Variants in ANKRD28 observed in about 807,000 individuals in gnomAD.
ANKRD28 encodes serine/threonine-protein phosphatase 6 regulatory ankyrin repeat subunit A.
A neutral mutation model predicts 126.5 loss-of-function variants in ANKRD28; 44 were observed. The observed-to-expected ratio is 0.35, with a 90% CI of 0.27 to 0.45. The LOEUF (loss-of-function observed/expected upper bound fraction) is 0.45. ANKRD28 is among the 20% of genes least tolerant of loss of function. ANKRD28 has a pLI of 1.00. For synonymous variants in ANKRD28, 442 were observed against 468.5 expected (o/e 0.94, Z 0.73); for missense variants, 1,110 against 1,316.6 (o/e 0.84, Z 2.43).
At chr3:15,834,085 T>C (rs983560469) in intron 1 of ANKRD28, among the ~76,000 whole-genome samples, 1 of 152,170 alleles carries the variant, frequency 6.6e-6, no homozygotes, top group Non-Finnish European at 1.5e-5. Flanking sequence ...TTTTTTAAAA[T>C]TGTCTCATTT....
chr3:15,786,974 A>C (rs1253066979), intron 2 of ANKRD28, among the ~76,000 whole-genome samples: 2 of 152,116 alleles, frequency 1.3e-5, no homozygotes, highest in Non-Finnish European at 1.5e-5. Context: ...TTGTCCATTT[A>C]AGTAGAATTT....
At chr3:15,793,595 C>T (rs2060131447) in intron 2 of ANKRD28, among the ~76,000 whole-genome samples, 1 of 152,116 alleles carries the variant, frequency 6.6e-6, no homozygotes, top group Non-Finnish European at 1.5e-5. Context: ...ACTTTCTAAT[C>T]AAGGTAGTAT....
chr3:15,677,649 A>G, intron 24 of ANKRD28, 87 bp from the exon 25 acceptor site: 1 of 963,734 alleles, frequency 1.0e-6, no homozygotes. Flanking sequence ...TGAAGATACA[A>G]AGCAAAAAAG....
intron 2 of ANKRD28, among the ~76,000 whole-genome samples, chr3:15,780,558 T>TAGAAATTTTTCAC (rs2059494556): frequency 6.6e-6 from 1 of 151,598 alleles, no homozygotes; most frequent in African/African-American, 2.4e-5. Flanking sequence ...TCACAGAAAA[T>TAGAAATTTTTCAC]AGAAAAAACA....
intron 6 of ANKRD28, among the ~76,000 whole-genome samples, chr3:15,725,550 C>T (rs182810170): frequency 9.2e-5 from 14 of 151,688 alleles, no homozygotes; most frequent in Admixed American, 7.2e-4. Flanking sequence ...TTTGTGGCAA[C>T]CCGGTGTCAA....
intron 22 of ANKRD28, 36 bp downstream of exon 22, chr3:15,679,440 C>T (rs1332418021): frequency 6.2e-7 from 1 of 1,613,636 alleles, no homozygotes; most frequent in South Asian, 1.1e-5. Context: ...TCTTAAAACA[C>T]TCAAACCAAA....
intron 21 of ANKRD28, among the ~76,000 whole-genome samples, chr3:15,680,133 G>T (rs921444667): frequency 2.6e-5 from 4 of 152,086 alleles, no homozygotes; most frequent in African/African-American, 9.7e-5. Flanking sequence ...ATGGCAATGG[G>T]ATGTTTAATT....
At chr3:15,675,654 G>A (rs140953006) in intron 27 of ANKRD28, among the ~76,000 whole-genome samples, 339 of 152,304 alleles carry the variant, frequency 2.2e-3, no homozygotes, top group African/African-American at 7.8e-3. Flanking sequence ...ACAACAGAAA[G>A]TGGCAAGTAT....
intron 9 of ANKRD28, among the ~76,000 whole-genome samples, chr3:15,713,937 T>C (rs2072661726): frequency 6.6e-6 from 1 of 152,214 alleles, no homozygotes; most frequent in African/African-American, 2.4e-5. Flanking sequence ...CACGTTTCTT[T>C]AGAGCAAGAC....
At chr3:15,818,804 T>C (rs926987779) in intron 1 of ANKRD28, among the ~76,000 whole-genome samples, 6 of 152,196 alleles carry the variant, frequency 3.9e-5, no homozygotes, top group Admixed American at 2.6e-4. Context: ...CTCAATATTC[T>C]TATAATTTCA....
intron 1 of ANKRD28, among the ~76,000 whole-genome samples, chr3:15,836,444 G>C (rs925442856): frequency 4.6e-5 from 7 of 151,926 alleles, no homozygotes; most frequent in Non-Finnish European, 7.4e-5. Flanking sequence ...GAGATGTATA[G>C]AAAACAAATA....
intron 1 of ANKRD28, among the ~76,000 whole-genome samples, chr3:15,848,905 G>A (rs1370116799): frequency 6.6e-6 from 1 of 152,064 alleles, no homozygotes; most frequent in African/African-American, 2.4e-5. Context: ...AGACTGGAAA[G>A]AAAAAAGCAA....
In ANKRD28 at chr3:15,748,093, G is replaced by A. The variant is rs908072175; in HGVS notation, c.351+3657C>T. Reference sequence around the variant, plus strand: ...AAGTTTCTGTGAGTCCTTACTCTTAGGTGAGTCTACTGAAGACAGCAGAAA... The same window carrying A: ...AAGTTTCTGTGAGTCCTTACTCTTAAGTGAGTCTACTGAAGACAGCAGAAA... On this transcript the variant is annotated intron_variant, in intron 4 of 27. Transcript: ENST00000683139. 2.2e-4 allele frequency among the ~76,000 whole-genome samples: 34 copies of A among 152,172 alleles called. 5 individuals are homozygous for A. Among genetic ancestry groups the A allele is most frequent in the Admixed American group, 9.8e-4 (15 of 15,296 alleles).
chr3:15,777,272 A>C (rs201232249), intron 2 of ANKRD28, among the ~76,000 whole-genome samples: 1 of 16,774 alleles, frequency 6.0e-5, no homozygotes. Flanking sequence ...ACTCCGTCTC[A>C]AAAAAAAAAA....
At chr3:15,772,160 C>G (rs999503655) in intron 2 of ANKRD28, among the ~76,000 whole-genome samples, 4 of 151,700 alleles carry the variant, frequency 2.6e-5, no homozygotes, top group Non-Finnish European at 5.9e-5. Flanking sequence ...TTCACTTAAA[C>G]TAGAAAAAAG....
chr3:15,850,628 T>C (rs1238912125), intron 1 of ANKRD28, among the ~76,000 whole-genome samples: 2 of 152,310 alleles, frequency 1.3e-5, no homozygotes, highest in East Asian at 3.9e-4. Context: ...AGGAGGCTTC[T>C]GGGCTGAACA....
chr3:15,747,264 C>G (rs1443860647), intron 4 of ANKRD28, among the ~76,000 whole-genome samples: 1 of 151,372 alleles, frequency 6.6e-6, no homozygotes, highest in East Asian at 1.9e-4. Flanking sequence ...CTTGTTTCTC[C>G]AGTTCTGTGA....
rs1486394619 is a variant in ANKRD28, at chr3:15,850,204, A to AAATATATATATATATATATAT, written c.27+9172_27+9173insATATATATATATATATATATT. 4.4e-4 allele frequency among the ~76,000 whole-genome samples: 24 copies of AAATATATATATATATATATAT among 54,814 alleles called. 1 individual carries two copies. Among genetic ancestry groups the AAATATATATATATATATATAT allele is most frequent in the Non-Finnish European group, 7.7e-4 (20 of 25,956 alleles). 36.0% of individuals were successfully genotyped at this position (54,814 alleles called of 152,430 possible). A position where few individuals can be genotyped will look rare whatever the true frequency, so the allele number is the denominator to read the frequency against. ...TCTACATGCAATAAAAAAAAAAAAA[A>AAATATATATATATATATATAT]ATATATATATATATATATATAGAGA... On this transcript the variant is annotated intron_variant, in intron 1 of 27. Coordinates refer to the ANKRD28 transcript ENST00000399451.
chr3:15,720,260 C>G (rs909554693), intron 8 of ANKRD28, among the ~76,000 whole-genome samples: 2 of 152,124 alleles, frequency 1.3e-5, no homozygotes, highest in Non-Finnish European at 2.9e-5. Context: ...GTGCAACACA[C>G]TGACAGTTTT....
Sources: gnomAD v4.1 joint callset for allele counts (sites outside exome capture counted in the v4.1 genomes callset) on GRCh38, gnomAD v4.1.1 for gene constraint, MANE v1.5 for transcripts, NCBI Gene and HGNC (gene_info 2026-07-23, HGNC 2026-07-21) for gene names.